NEK7: variants seen among roughly 807,000 people sequenced by gnomAD.
The protein encoded by NEK7 is serine/threonine-protein kinase Nek7.
A neutral mutation model predicts 44.6 loss-of-function variants in NEK7; 18 were observed. That is an observed-to-expected ratio of 0.40 (90% CI 0.28 to 0.60). The LOEUF (loss-of-function observed/expected upper bound fraction) is 0.60, where lower values mean the gene tolerates loss of function less well. Ranked by LOEUF, NEK7 falls within the 20% of genes least tolerant of loss-of-function variation. NEK7 has a pLI of 0.38. For missense variants in NEK7, 256 were observed against 366.5 expected (o/e 0.70, Z 2.46); for synonymous variants, 130 against 121.1 (o/e 1.07, Z -0.48).
At chr1:198,313,532 T>C (rs1655256393) in intron 9 of NEK7, among the ~76,000 whole-genome samples, 1 of 134,146 alleles carries the variant, frequency 7.5e-6, no homozygotes, top group East Asian at 2.4e-4. Context: ...TTCTTCCTAG[T>C]CTCGATGGTC....
chr1:198,257,355 T>C (rs1653301143), intron 3 of NEK7, among the ~76,000 whole-genome samples: 1 of 152,198 alleles, frequency 6.6e-6, no homozygotes, highest in Admixed American at 6.5e-5. Context: ...CTTTTTAATT[T>C]CTATTAATAA....
At chr1:198,238,115 C>T (rs1040342203) in intron 2 of NEK7, among the ~76,000 whole-genome samples, 8 of 152,122 alleles carry the variant, frequency 5.3e-5, no homozygotes, top group Non-Finnish European at 8.8e-5. Flanking sequence ...TTTCATTATG[C>T]ATGTAACCAC....
intron 9 of NEK7, among the ~76,000 whole-genome samples, chr1:198,308,898 C>T (rs1024770553): frequency 1.3e-5 from 2 of 152,146 alleles, no homozygotes; most frequent in Non-Finnish European, 2.9e-5. Context: ...TCAGATGCCA[C>T]CTCCACAAAA....
chr1:198,248,845 T>G (rs556074864), intron 2 of NEK7, among the ~76,000 whole-genome samples: 37 of 152,134 alleles, frequency 2.4e-4, no homozygotes, highest in Non-Finnish European at 2.5e-4. Flanking sequence ...AGTTCTTTTT[T>G]TGTGTGTGTG....
At chr1:198,228,369 G>A (rs568504913) in intron 1 of NEK7, among the ~76,000 whole-genome samples, 8 of 152,178 alleles carry the variant, frequency 5.3e-5, no homozygotes, top group African/African-American at 1.9e-4. Context: ...TTGGTTCCAT[G>A]TGAACTTTAA....
intron 1 of NEK7, among the ~76,000 whole-genome samples, chr1:198,230,502 C>T (rs1164259565): frequency 6.6e-6 from 1 of 151,952 alleles, no homozygotes; most frequent in Non-Finnish European, 1.5e-5. Context: ...AAACTTCCAG[C>T]AAACAATAGA....
chr1:198,215,621 G>A (rs1419783150), intron 1 of NEK7, among the ~76,000 whole-genome samples: 1 of 151,996 alleles, frequency 6.6e-6, no homozygotes, highest in Non-Finnish European at 1.5e-5. Context: ...TTGGCAGAAT[G>A]GATAAAATAT....
intron 1 of NEK7, among the ~76,000 whole-genome samples, chr1:198,228,397 A>C (rs139569043): frequency 0.2 from 30,571 of 151,710 alleles, 3,656 homozygotes; most frequent in African/African-American, 0.32. Context: ...TTTTCCAATT[A>C]TGTGAAGAAA....
At chr1:198,160,488 G>A (rs114641594) in intron 1 of NEK7, among the ~76,000 whole-genome samples, 4,399 of 152,218 alleles carry the variant, frequency 0.029, 111 homozygotes, top group African/African-American at 0.062. Flanking sequence ...AACTACGAGG[G>A]TAGGTATTTC....
At chr1:198,170,088 G>A (rs1664392861) in intron 1 of NEK7, among the ~76,000 whole-genome samples, 1 of 152,228 alleles carries the variant, frequency 6.6e-6, no homozygotes. Flanking sequence ...AACATGGTAT[G>A]AAGGAGGTCT....
At chr1:198,157,662 T>A (rs1169987451) in intron 1 of NEK7, among the ~76,000 whole-genome samples, 1 of 152,206 alleles carries the variant, frequency 6.6e-6, no homozygotes, top group Admixed American at 6.5e-5. Context: ...GTCGGTTATT[T>A]ATCTCTCGCG....
chr1:198,218,027 C>T (rs1255803670), intron 1 of NEK7, among the ~76,000 whole-genome samples: 1 of 151,720 alleles, frequency 6.6e-6, no homozygotes, highest in African/African-American at 2.4e-5. Context: ...CTATGAAATT[C>T]CTATGAAAAT....
intron 1 of NEK7, among the ~76,000 whole-genome samples, chr1:198,208,153 A>T (rs550262167): frequency 7.2e-4 from 109 of 152,198 alleles, no homozygotes; most frequent in Admixed American, 1.6e-3. Flanking sequence ...GATTCTGCCT[A>T]TTCTCTTTGC....
chr1:198,277,880 T>C, intron 5 of NEK7, 81 bp from the exon 6 acceptor site: 1 of 741,690 alleles, frequency 1.3e-6, no homozygotes, highest in South Asian at 1.6e-5. Flanking sequence ...GCTGTTTTTC[T>C]GACTTACGGA....
At chr1:198,171,577 G>A (rs148090961) in intron 1 of NEK7, among the ~76,000 whole-genome samples, 2,640 of 152,114 alleles carry the variant, frequency 0.017, 32 homozygotes, top group Non-Finnish European at 0.028. Context: ...TACTCCAGAG[G>A]CTGAGGCAGG....
intron 1 of NEK7, among the ~76,000 whole-genome samples, chr1:198,220,474 CA>C (rs1666050712): frequency 6.6e-6 from 1 of 152,046 alleles, no homozygotes; most frequent in African/African-American, 2.4e-5. Flanking sequence ...TGGTTCTTTT[CA>C]AAGATCTGAT....
Position 198,214,396 on chromosome 1 carries a change from A to AAG in NEK7, c.-28-18149_-28-18148dup, listed in dbSNP as rs538426926. 1.1e-3 allele frequency among the ~76,000 whole-genome samples: 166 copies of AAG among 152,302 alleles called. 1 individual carries two copies. Among genetic ancestry groups the AAG allele is most frequent in the African/African-American group, 3.8e-3 (158 of 41,572 alleles). ...ATTATTAAGTTACTCAAGGAGATAC[A>AAG]AGAGAGAGATGCAAACCAACATAAG... On this transcript the variant is annotated intron_variant, in intron 1 of 9. Coordinates refer to ENST00000367385, the MANE Select transcript of NEK7 (RefSeq NM_133494.3).
intron 1 of NEK7, among the ~76,000 whole-genome samples, chr1:198,175,985 A>G (rs918975399): frequency 6.6e-6 from 1 of 152,196 alleles, no homozygotes; most frequent in African/African-American, 2.4e-5. Context: ...CTATGTACTC[A>G]TTATGAACCT....
intron 1 of NEK7, among the ~76,000 whole-genome samples, chr1:198,189,412 G>C (rs190636716): frequency 5.5e-4 from 84 of 152,190 alleles, no homozygotes; most frequent in Middle Eastern, 3.4e-3. Flanking sequence ...AACTCTGAGT[G>C]GTATGAACAG....
Sources: gnomAD v4.1 joint callset for allele counts (sites outside exome capture counted in the v4.1 genomes callset) on GRCh38, gnomAD v4.1.1 for gene constraint, MANE v1.5 for transcripts, NCBI Gene and HGNC (gene_info 2026-07-23, HGNC 2026-07-21) for gene names.